PLEKHD1: variants seen among roughly 807,000 people sequenced by gnomAD.
PLEKHD1 encodes the protein pleckstrin homology domain-containing family D member 1.
In PLEKHD1, 51 loss-of-function variants were observed where a neutral mutation model predicts 69.2. The observed-to-expected ratio is 0.74, with a 90% CI of 0.59 to 0.93. The LOEUF is 0.93. Ranked by LOEUF, PLEKHD1 falls within the 40% of genes least tolerant of loss-of-function variation. The probability of loss-of-function intolerance (pLI) is 0.00; values close to 1 mark genes in which losing one functional copy is unlikely to be tolerated. For missense variants in PLEKHD1, 584 were observed against 641.0 expected (o/e 0.91, Z 0.96); for synonymous variants, 236 against 244.7 (o/e 0.96, Z 0.33).
In PLEKHD1 at chr14:69,516,503, T is replaced by C. The variant is rs535400831; in HGVS notation, c.556-5780T>C. On this transcript the variant is annotated intron_variant, in intron 6 of 12. Transcript: ENST00000322564. ...CTTCATTAACATTATACATTTTTCA[T>C]GTCCTTTAACATTCTTTGAAAACAT... Among the ~76,000 whole-genome samples, 3 of 152,368 alleles carry C rather than the reference T, an allele frequency of 2.0e-5. No individual in the cohort carries two copies. The South Asian group carries it at 6.2e-4, about 32-fold the overall frequency.
At position 69,526,865 on chromosome 14, in the gene PLEKHD1, C is replaced by A. The variant is rs757446539; in HGVS notation, c.1056+36C>A. 11 of 1,497,474 alleles carry A rather than the reference C, an allele frequency of 7.3e-6. No individual in the cohort carries two copies. In the South Asian group the frequency reaches 1.5e-4, roughly 20 times the overall value. 92.8% of individuals were successfully genotyped at this position (1,497,474 alleles called of 1,614,324 possible). A position where few individuals can be genotyped will look rare whatever the true frequency, so the allele number is the denominator to read the frequency against. Reference sequence around the variant, plus strand: ...GCCTGCTGGTGCCAGGGCCCTTCCCCTTCCCTGGAGACTCCCCTTCCACCC... The same window carrying A: ...GCCTGCTGGTGCCAGGGCCCTTCCCATTCCCTGGAGACTCCCCTTCCACCC... On this transcript the variant is annotated intron_variant, in intron 10 of 12. Coordinates refer to ENST00000322564, the MANE Select transcript of PLEKHD1 (RefSeq NM_001161498.2).
intron 6 of PLEKHD1, among the ~76,000 whole-genome samples, chr14:69,518,570 A>G (rs140630861): frequency 2.0e-5 from 3 of 152,314 alleles, no homozygotes; most frequent in African/African-American, 4.8e-5. Flanking sequence ...TTACTGTATT[A>G]AGTCTTCCTA....
At chr14:69,470,451 CAAA>C in the PLEKHD1 span, among the ~76,000 whole-genome samples, 4 of 120,740 alleles carry the variant, frequency 3.3e-5, no homozygotes, top group Non-Finnish European at 5.4e-5. Flanking sequence ...TGACAGAGAT[CAAA>C]AAAAAAAAAA....
intron 1 of PLEKHD1, among the ~76,000 whole-genome samples, chr14:69,492,474 T>C (rs528744033): frequency 1.3e-5 from 2 of 152,350 alleles, no homozygotes; most frequent in East Asian, 3.9e-4. Context: ...TGTTGTAAAG[T>C]TACAGTGTAC....
intron 8 of PLEKHD1, among the ~76,000 whole-genome samples, chr14:69,524,705 G>A (rs761448152): frequency 5.3e-5 from 8 of 152,132 alleles, no homozygotes; most frequent in African/African-American, 9.7e-5. Flanking sequence ...GACATTGAAC[G>A]TAAAGGGAAA....
In PLEKHD1 at chr14:69,526,230, A is replaced by G. The variant is rs1883645516; in HGVS notation, c.923+108A>G. 4.3e-6 allele frequency: 5 copies of G among 1,161,496 alleles called. No individual in the cohort carries two copies. The South Asian group carries it at 8.5e-5, about 20-fold the overall frequency. The allele number at this position is 1,161,496 out of a possible 1,614,324, so 71.9% of individuals were successfully genotyped here. ...TTCTACTTGGCACTGACCAAGTAGGACTCACTCACTTCCTTTTGCCTAGGA... is the reference window on the plus strand; with the variant it reads ...TTCTACTTGGCACTGACCAAGTAGGGCTCACTCACTTCCTTTTGCCTAGGA... On this transcript the variant is annotated intron_variant, in intron 9 of 12. Coordinates refer to ENST00000322564, the MANE Select transcript of PLEKHD1 (RefSeq NM_001161498.2).
chr14:69,526,505 A>C (rs370641990), intron 9 of PLEKHD1, among the ~76,000 whole-genome samples, 192 bp from the exon 10 acceptor site: 24 of 152,088 alleles, frequency 1.6e-4, no homozygotes, highest in African/African-American at 5.8e-4. Context: ...TTCTGACTCT[A>C]AACCTAGGGC....
At chr14:69,525,889 C>A in intron 8 of PLEKHD1, 55 bp from the exon 9 acceptor site, 1 of 1,501,818 alleles carries the variant, frequency 6.7e-7, no homozygotes, top group Non-Finnish European at 9.0e-7. Flanking sequence ...GTGAGGGCAG[C>A]CACGATGGAG....
At chr14:69,521,902 A>C (rs1047693105) in intron 6 of PLEKHD1, among the ~76,000 whole-genome samples, 5 of 151,564 alleles carry the variant, frequency 3.3e-5, no homozygotes, top group African/African-American at 1.2e-4. Context: ...GGAAATACAC[A>C]CTCACCACTC....
chr14:69,483,190 T>C (rs1882577791), upstream of PLEKHD1, among the ~76,000 whole-genome samples: 1 of 152,122 alleles, frequency 6.6e-6, no homozygotes, highest in Admixed American at 6.6e-5. Context: ...TGGGCACTTC[T>C]TGACAGTGAG....
chr14:69,510,735 A>G (rs1377470076), intron 6 of PLEKHD1, among the ~76,000 whole-genome samples: 2 of 152,128 alleles, frequency 1.3e-5, no homozygotes. Flanking sequence ...TAATCTGTAT[A>G]CCTTCTATTT....
At chr14:69,493,581 T>G (rs1487158245) in intron 1 of PLEKHD1, among the ~76,000 whole-genome samples, 2 of 152,184 alleles carry the variant, frequency 1.3e-5, no homozygotes, top group Non-Finnish European at 2.9e-5. Context: ...TTATGAGAAA[T>G]TTAAATAAGA....
intron 1 of PLEKHD1, among the ~76,000 whole-genome samples, chr14:69,492,081 C>A (rs1369430577): frequency 1.3e-5 from 2 of 152,198 alleles, no homozygotes; most frequent in Non-Finnish European, 2.9e-5. Context: ...TTCACAAGGA[C>A]TACTCACTCT....
intron 1 of PLEKHD1, among the ~76,000 whole-genome samples, chr14:69,499,914 A>G (rs963081091): frequency 3.3e-5 from 5 of 152,122 alleles, no homozygotes; most frequent in Non-Finnish European, 5.9e-5. Context: ...CCACCTGTGC[A>G]GGGGCCCAGC....
rs773998381 is a variant in PLEKHD1 at position 69,502,834 on chromosome 14, G to A, written c.510G>A (p.Leu170=). 6 of 1,551,630 alleles carry A rather than the reference G, an allele frequency of 3.9e-6. No individual in the cohort carries two copies. Among genetic ancestry groups the A allele is most frequent in the Non-Finnish European group, 5.2e-6 (6 of 1,146,964 alleles). ...AKEKQEYLDK[L]MEETEELCLQ... ...GTGTGCTTGTTTTGGCAGACAAACT[G>A]ATGGAAGAGACCGAAGAACTCTGCC... Residue 170 remains leucine, a synonymous_variant, in exon 6 of 13, where the codon CTG becomes CTA. Coordinates refer to ENST00000322564, the MANE Select transcript of PLEKHD1 (RefSeq NM_001161498.2).
intron 1 of PLEKHD1, among the ~76,000 whole-genome samples, chr14:69,485,787 A>G (rs1347653808): frequency 6.6e-6 from 1 of 152,232 alleles, no homozygotes; most frequent in African/African-American, 2.4e-5. Context: ...AGGAGGGGAT[A>G]GATTGGTTCT....
intron 6 of PLEKHD1, among the ~76,000 whole-genome samples, chr14:69,515,586 G>A (rs547723215): frequency 6.5e-4 from 99 of 152,334 alleles, no homozygotes; most frequent in African/African-American, 2.3e-3. Flanking sequence ...CAGGAAGCAT[G>A]GTGCTGGCAT....
rs190954641 is a variant in PLEKHD1, at chr14:69,512,065, T to A, written c.555+9186T>A. Among the ~76,000 whole-genome samples the A allele has an allele frequency of 3.1e-3, 478 of 152,354 alleles. 2 individuals are homozygous for A. The highest frequency in any genetic ancestry group is 0.011 in the African/African-American group (461 of 41,596). ...GAAGGGCATTAATTATTGATTCAAT[T>A]TATTTAATAGATATAGGCCTATTCA... On this transcript the variant is annotated intron_variant, in intron 6 of 12. Transcript: ENST00000322564.
At chr14:69,476,755 CTG>C in the PLEKHD1 span, among the ~76,000 whole-genome samples, 1 of 152,180 alleles carries the variant, frequency 6.6e-6, no homozygotes, top group African/African-American at 2.4e-5. Context: ...AGGGGAATGA[CTG>C]TGAGTGAGCG....
Sources: gnomAD v4.1 joint callset for allele counts (sites outside exome capture counted in the v4.1 genomes callset) on GRCh38, gnomAD v4.1.1 for gene constraint, MANE v1.5 for transcripts, NCBI Gene and HGNC (gene_info 2026-07-23, HGNC 2026-07-21) for gene names.